The following ATM variants were observed in gnomAD, a reference collection of about 807,000 sequenced individuals.
ATM encodes the protein serine-protein kinase ATM.
ATM carries 308 observed loss-of-function variants against 387.0 expected under a neutral mutation model. The observed-to-expected ratio is 0.80, with a 90% CI of 0.73 to 0.87. The LOEUF (loss-of-function observed/expected upper bound fraction) is 0.87, where lower values mean the gene tolerates loss of function less well. Among genes scored for constraint, ATM ranks in the 40% least tolerant of loss-of-function variants. ATM has a pLI of 0.00. For missense variants in ATM, 3,312 were observed against 3,560.9 expected (o/e 0.93, Z 1.78); for synonymous variants, 1,156 against 1,187.3 (o/e 0.97, Z 0.54).
Position 108,257,620 on chromosome 11 carries a change from CT to C in ATM, c.2376+16del, listed in dbSNP as rs779169817. On this transcript the variant is annotated intron_variant, in intron 15 of 62. Coordinates refer to ENST00000675843, the MANE Select transcript of ATM (RefSeq NM_000051.4). ...AACTGTACCAAGGTAAGATTTTCTT[CT>C]TCTTGTTTTGTTTTTTGAGATAGGA... is the stretch of plus-strand genomic sequence containing the variant. 8.1e-6 allele frequency: 13 copies of C among 1,612,196 alleles called. 1 individual carries two copies. The highest frequency in any genetic ancestry group is 1.1e-5 in the Non-Finnish European group (13 of 1,179,578).
rs1425485711 is a variant in ATM at position 108,303,090 on chromosome 11, C to T, written c.5496+61C>T. 3 of 1,458,750 alleles carry T rather than the reference C, an allele frequency of 2.1e-6. No homozygotes were observed. The African/African-American group carries it at 4.2e-5, about 20-fold the overall frequency. The allele number at this position is 1,458,750 out of a possible 1,614,324, so 90.4% of individuals were successfully genotyped here. On this transcript the variant is annotated intron_variant, in intron 36 of 62. Transcript: ENST00000675843. ...TTATGACCTGTTTATCTAAAGAGTG[C>T]TGTGATACTGCACATCATCTTCACA...
rs1404769171 is a variant in ATM, at chr11:108,367,286, C to G, written c.*1778C>G. The G allele has an allele frequency of 5.5e-6, 1 of 181,298 alleles. No homozygotes were observed. The highest frequency in any genetic ancestry group is 1.2e-5 in the Non-Finnish European group (1 of 84,986). The allele number at this position is 181,298 out of a possible 1,614,324, so 11.2% of individuals were successfully genotyped here. A position where few individuals can be genotyped will look rare whatever the true frequency, so the allele number is the denominator to read the frequency against. Reference sequence around the variant, plus strand: ...ACAGGTGTGAGCCACCGCGCCCGGCCTCATTCCCCTCATTTTTGACCGTAA... The same window carrying G: ...ACAGGTGTGAGCCACCGCGCCCGGCGTCATTCCCCTCATTTTTGACCGTAA... On this transcript the variant is annotated 3_prime_UTR_variant, in exon 63 of 63. Transcript: ENST00000675843.
intron 40 of ATM, among the ~76,000 whole-genome samples, chr11:108,315,596 T>A (rs1045166864): frequency 2.0e-5 from 3 of 152,148 alleles, no homozygotes; most frequent in Admixed American, 6.5e-5. Flanking sequence ...AAGTTTTCAA[T>A]ATATTTATTG....
Position 108,267,182 on chromosome 11 carries a change from C to G in ATM, c.2478C>G (p.Ile826Met), listed in dbSNP as rs1591587125. ...ADICKSLASF[I>M]KKPFDRGEVE... ...TCTCTTCCTTGAAGGCATCCTTCAT[C>G]AAAAAGCCATTTGACCGTGGAGAAG... The change falls in exon 17 of 63, where the codon ATC (isoleucine) becomes ATG (methionine). Residue 826 changes from isoleucine to methionine, a missense_variant. This residue lies in a region of ATM where 1,791 missense variants were observed against 1,804.5 expected (regional missense o/e 0.99). Coordinates refer to ENST00000675843, the MANE Select transcript of ATM (RefSeq NM_000051.4). 2 of 1,613,966 alleles carry G rather than the reference C, an allele frequency of 1.2e-6. No individual in the cohort carries two copies. Among genetic ancestry groups the G allele is most frequent in the Non-Finnish European group, 1.7e-6 (2 of 1,179,956 alleles).
At chr11:108,271,512 T>C in intron 20 of ATM, 106 bp downstream of exon 20, 1 of 1,284,340 alleles carries the variant, frequency 7.8e-7, no homozygotes, top group Non-Finnish European at 1.1e-6. Context: ...CCTACATAGC[T>C]AATACATCTT....
chr11:108,322,754 T>C (rs2085327782), intron 45 of ATM, among the ~76,000 whole-genome samples: 1 of 152,136 alleles, frequency 6.6e-6, no homozygotes, highest in Non-Finnish European at 1.5e-5. Context: ...TAAAAGTGCT[T>C]TTCTCTTTAT....
At chr11:108,266,197 T>C (rs528151907) in intron 16 of ATM, among the ~76,000 whole-genome samples, 3,401 of 147,840 alleles carry the variant, frequency 0.023, 64 homozygotes, top group Non-Finnish European at 0.03. Flanking sequence ...ATGTTTATTG[T>C]GGCATTATTC....
intron 40 of ATM, among the ~76,000 whole-genome samples, chr11:108,313,769 C>T (rs1455265630): frequency 6.6e-6 from 1 of 152,120 alleles, no homozygotes; most frequent in Non-Finnish European, 1.5e-5. Flanking sequence ...AGAATTATGC[C>T]AATATAAATG....
rs370269552 is a variant in ATM at position 108,267,334 on chromosome 11, G to C, written c.2630G>C (p.Ser877Thr). 2.4e-5 allele frequency: 39 copies of C among 1,613,728 alleles called. 1 individual carries two copies. The highest frequency in any genetic ancestry group is 1.8e-4 in the South Asian group (16 of 91,072). Residue 877 changes from serine to threonine, a missense_variant, in exon 17 of 63, where the codon AGT (serine) becomes ACT (threonine). By Grantham distance (58) the Ser-to-Thr change is moderately conservative (BLOSUM62 1). This residue lies in a region of ATM where 1,791 missense variants were observed against 1,804.5 expected (regional missense o/e 0.99). Coordinates refer to ENST00000675843, the MANE Select transcript of ATM (RefSeq NM_000051.4). ...SDANEPGESQ[S>T]TIGAINPLAE... The stretch of plus-strand genomic sequence containing the variant: ...GCAAACGAACCTGGAGAGAGCCAAA[G>C]TACCATAGGTAAATACATATTTACT...
chr11:108,255,859 T>C (rs2080442244), intron 13 of ATM, among the ~76,000 whole-genome samples: 2 of 152,212 alleles, frequency 1.3e-5, no homozygotes, highest in South Asian at 4.1e-4. Context: ...ATGACTGTAA[T>C]TTCTACTTGT....
chr11:108,224,694 A>G (rs1289436818), intron 1 of ATM: 1 of 152,158 alleles, frequency 6.6e-6, no homozygotes, highest in Non-Finnish European at 1.5e-5. Flanking sequence ...GCTTTATTAT[A>G]AACTCCTCTG....
chr11:108,352,778 G>C lies in ATM; in HGVS notation c.8672-988G>C, dbSNP rs529129865. ...ACATAACAATTTGGATGAATCTCCAGAGAATTAGGCTGAGTGTAAAAAGCT... is the reference window on the plus strand; with the variant it reads ...ACATAACAATTTGGATGAATCTCCACAGAATTAGGCTGAGTGTAAAAAGCT... On this transcript the variant is annotated intron_variant, in intron 59 of 62. Transcript: ENST00000675843. Among the ~76,000 whole-genome samples, 8 of 152,316 alleles carry C rather than the reference G, an allele frequency of 5.3e-5. No individual in the cohort carries two copies. In the South Asian group the frequency reaches 1.7e-3, roughly 32 times the overall value.
At chr11:108,359,268 C>A (rs2090417925) in intron 61 of ATM, among the ~76,000 whole-genome samples, 1 of 151,402 alleles carries the variant, frequency 6.6e-6, no homozygotes, top group Non-Finnish European at 1.5e-5. Context: ...TATATGCACC[C>A]AATACAGGAG....
chr11:108,366,911 C>T lies in ATM; in HGVS notation c.*1403C>T, dbSNP rs887323069. On this transcript the variant is annotated 3_prime_UTR_variant, in exon 63 of 63. Transcript: ENST00000675843. ...CCATATAGATGTCTAAGCTAAAAGC[C>T]GTGGGTTAATGAGACTGGCAAATTG... The T allele has an allele frequency of 4.4e-6, 1 of 225,750 alleles. No individual in the cohort carries two copies. Among genetic ancestry groups the T allele is most frequent in the Non-Finnish European group, 8.8e-6 (1 of 113,304 alleles). The allele number at this position is 225,750 out of a possible 1,614,324, so 14.0% of individuals were successfully genotyped here. A position where few individuals can be genotyped will look rare whatever the true frequency, so the allele number is the denominator to read the frequency against.
intron 61 of ATM, among the ~76,000 whole-genome samples, chr11:108,363,422 T>C (rs188646937): frequency 6.6e-6 from 1 of 152,324 alleles, no homozygotes; most frequent in East Asian, 1.9e-4. Flanking sequence ...TCTAAGATTT[T>C]ATGTGTTATG....
chr11:108,316,190 A>T (rs2084634113), intron 42 of ATM, 77 bp downstream of exon 42: 1 of 1,294,376 alleles, frequency 7.7e-7, no homozygotes, highest in East Asian at 2.4e-5. Flanking sequence ...GTGGATATTT[A>T]CACAGCCAGA....
At chr11:108,302,744 T>G in intron 35 of ATM, 109 bp from the exon 36 acceptor site, 1 of 1,049,756 alleles carries the variant, frequency 9.5e-7, no homozygotes, top group Non-Finnish European at 1.4e-6. Flanking sequence ...GATTTAGTTT[T>G]AACTGTATTT....
In ATM at chr11:108,284,307, A is replaced by C. The variant is rs770183693; in HGVS notation, c.3827A>C (p.Gln1276Pro). 6.2e-7 allele frequency: 1 copy of C among 1,613,960 alleles called. No homozygotes were observed. Among genetic ancestry groups the C allele is most frequent in the Non-Finnish European group, 8.5e-7 (1 of 1,179,888 alleles). ...DEVKSIANQI[Q>P]EDWKSLLTDC... ...GTGAAGTCCATTGCTAATCAGATTC[A>C]AGAGGACTGGAAAAGTCTTCTAACA... Residue 1276 changes from glutamine to proline, a missense_variant, in exon 26 of 63, where the codon CAA becomes CCA. Physicochemically the swap from Gln to Pro is moderately conservative, Grantham distance 76. Around this residue, in one of 4 missense-constraint regions of ATM, gnomAD observed 1,791 missense variants for 1,804.5 expected, o/e 0.99. Coordinates refer to ENST00000675843, the MANE Select transcript of ATM (RefSeq NM_000051.4).
chr11:108,267,318 C>A lies in ATM; in HGVS notation c.2614C>A (p.Pro872Thr), dbSNP rs3218673. ...PDSSVSDANE[P>T]GESQSTIGAI... ...TAGTAGTGTTAGTGATGCAAACGAA[C>A]CTGGAGAGAGCCAAAGTACCATAGG... The change falls in exon 17 of 63, where the codon CCT (proline) becomes ACT (threonine). Residue 872 changes from proline (P) to threonine (T), a missense_variant. Transcript: ENST00000675843. The A allele has an allele frequency of 6.2e-7, 1 of 1,613,910 alleles. No homozygotes were observed. Among genetic ancestry groups the A allele is most frequent in the Non-Finnish European group, 8.5e-7 (1 of 1,179,928 alleles).
Sources: gnomAD v4.1 joint callset for allele counts (sites outside exome capture counted in the v4.1 genomes callset) on GRCh38, gnomAD v4.1.1 for gene constraint, gnomAD v4.1.1 regional missense constraint, MANE v1.5 for transcripts, NCBI Gene and HGNC (gene_info 2026-07-23, HGNC 2026-07-21) for gene names.